ANKS1A: variants seen among roughly 807,000 people sequenced by gnomAD.
ANKS1A encodes the protein ankyrin repeat and SAM domain-containing protein 1A.
Under a neutral mutation model 120.3 loss-of-function variants are expected in ANKS1A, and 55 were observed. The ratio of observed to expected loss-of-function variants is 0.46; its 90% CI spans 0.37 to 0.57. ANKS1A has a LOEUF of 0.57. Among genes scored for constraint, ANKS1A ranks in the 20% least tolerant of loss-of-function variants. The pLI is 0.00. For synonymous variants in ANKS1A, 590 were observed against 604.7 expected (o/e 0.98, Z 0.36); for missense variants, 1,123 against 1,480.3 (o/e 0.76, Z 3.96).
At chr6:35,066,134 C>T (rs1490130769) in intron 13 of ANKS1A, among the ~76,000 whole-genome samples, 3 of 152,190 alleles carry the variant, frequency 2.0e-5, no homozygotes, top group Non-Finnish European at 4.4e-5. Flanking sequence ...ATTTGACCTA[C>T]TTACTTCATG....
At chr6:34,968,743 TGTA>T (rs1455539571) in intron 2 of ANKS1A, among the ~76,000 whole-genome samples, 1 of 151,508 alleles carries the variant, frequency 6.6e-6, no homozygotes, top group Non-Finnish European at 1.5e-5. Flanking sequence ...CGGCCAGCAG[TGTA>T]GTTTTTATGA....
chr6:35,002,570 G>T (rs1248683038), intron 10 of ANKS1A, among the ~76,000 whole-genome samples: 1 of 152,030 alleles, frequency 6.6e-6, no homozygotes, highest in Non-Finnish European at 1.5e-5. Flanking sequence ...TACTCTAAAA[G>T]AAACTTGTTT....
chr6:34,918,301 C>T (rs1297211437), intron 1 of ANKS1A, among the ~76,000 whole-genome samples: 1 of 152,144 alleles, frequency 6.6e-6, no homozygotes, highest in Non-Finnish European at 1.5e-5. Flanking sequence ...GTTCAAATGC[C>T]AGCTCTCCAC....
At chr6:34,890,666 AG>A (rs1014980851) in intron 1 of ANKS1A, among the ~76,000 whole-genome samples, 2 of 152,164 alleles carry the variant, frequency 1.3e-5, no homozygotes, top group Admixed American at 1.3e-4. Flanking sequence ...GAAAAACATC[AG>A]TTTTGTGTGG....
chr6:34,973,571 A>G (rs1315682590), intron 3 of ANKS1A, among the ~76,000 whole-genome samples: 1 of 152,196 alleles, frequency 6.6e-6, no homozygotes, highest in Non-Finnish European at 1.5e-5. Context: ...CATTATCCAC[A>G]TTAGCTACCT....
At chr6:34,894,488 C>T (rs1252815930) in intron 1 of ANKS1A, among the ~76,000 whole-genome samples, 10 of 152,016 alleles carry the variant, frequency 6.6e-5, no homozygotes, top group Non-Finnish European at 1.2e-4. Flanking sequence ...CCCATCTCTA[C>T]GAAAAATACA....
chr6:35,072,784 C>T (rs993397716), intron 13 of ANKS1A, among the ~76,000 whole-genome samples: 3 of 152,228 alleles, frequency 2.0e-5, no homozygotes, highest in Non-Finnish European at 2.9e-5. Flanking sequence ...TGGGATTCTA[C>T]GGAGGGAGGC....
chr6:34,912,115 C>T (rs553177810), intron 1 of ANKS1A, among the ~76,000 whole-genome samples: 10 of 152,304 alleles, frequency 6.6e-5, no homozygotes, highest in Admixed American at 2.6e-4. Context: ...TGAAATCAAA[C>T]GCTCATAATC....
At chr6:34,975,327 G>A (rs986745333) in intron 3 of ANKS1A, among the ~76,000 whole-genome samples, 3 of 151,994 alleles carry the variant, frequency 2.0e-5, no homozygotes, top group African/African-American at 7.2e-5. Context: ...GGTGGCATGT[G>A]CCTATAATCC....
chr6:35,055,148 G>A (rs1037548433), intron 12 of ANKS1A, among the ~76,000 whole-genome samples: 3 of 152,148 alleles, frequency 2.0e-5, no homozygotes, highest in African/African-American at 4.8e-5. Flanking sequence ...CAGAGACCAC[G>A]GGGCCTGGTG....
downstream of ANKS1A, among the ~76,000 whole-genome samples, chr6:35,092,010 T>C (rs1778324375): frequency 6.6e-6 from 1 of 152,212 alleles, no homozygotes; most frequent in Non-Finnish European, 1.5e-5. Context: ...CCTTCACTGA[T>C]TGACGGAGCA....
At chr6:34,944,885 T>G (rs1442023186) in intron 1 of ANKS1A, among the ~76,000 whole-genome samples, 1 of 152,220 alleles carries the variant, frequency 6.6e-6, no homozygotes, top group Non-Finnish European at 1.5e-5. Flanking sequence ...TTTCATTCTC[T>G]TAACTGTTTT....
chr6:35,031,608 T>A (rs577522142), intron 11 of ANKS1A, among the ~76,000 whole-genome samples: 1 of 152,180 alleles, frequency 6.6e-6, no homozygotes, highest in Non-Finnish European at 1.5e-5. Context: ...GACTCACGTA[T>A]CTGGGATCCT....
intron 1 of ANKS1A, among the ~76,000 whole-genome samples, chr6:34,922,120 A>G (rs999680105): frequency 7.3e-5 from 11 of 150,130 alleles, no homozygotes; most frequent in Non-Finnish European, 1.5e-5. Context: ...GGGATGACAT[A>G]TGTTTTTGAC....
intron 1 of ANKS1A, among the ~76,000 whole-genome samples, chr6:34,955,605 T>C (rs958811309): frequency 4.6e-5 from 7 of 152,180 alleles, no homozygotes; most frequent in African/African-American, 1.4e-4. Context: ...ATATGGTCTC[T>C]AGGCCTGCTG....
Position 34,985,131 on chromosome 6 carries a change from T to C in ANKS1A, c.1062T>C (p.Asn354=). Residue 354 remains asparagine, a synonymous_variant, in exon 8 of 24, where the codon AAT becomes AAC. Transcript: ENST00000360359. ...AACTGATTATAGATTTTGATGCAAA[T>C]GCTGAAGAAGAGGGTCCCTACGAAG... ...VTELIIDFDA[N]AEEEGPYEAL... is the part of the protein sequence containing the mutation. The C allele has an allele frequency of 1.2e-6, 2 of 1,614,156 alleles. No individual in the cohort carries two copies. The highest frequency in any genetic ancestry group is 2.2e-5 in the East Asian group (1 of 44,886).
At chr6:34,957,324 A>T (rs984016738) in intron 1 of ANKS1A, among the ~76,000 whole-genome samples, 3 of 152,248 alleles carry the variant, frequency 2.0e-5, no homozygotes, top group Middle Eastern at 6.8e-3. Context: ...GACAGTGGGG[A>T]TGGTTTCATA....
chr6:34,895,551 A>G (rs1345254288), intron 1 of ANKS1A, among the ~76,000 whole-genome samples: 2 of 152,128 alleles, frequency 1.3e-5, no homozygotes, highest in Admixed American at 1.3e-4. Context: ...TTTGAGCAAA[A>G]TGATTTTAAC....
intron 1 of ANKS1A, among the ~76,000 whole-genome samples, chr6:34,961,420 T>G (rs1770630484): frequency 6.6e-6 from 1 of 152,044 alleles, no homozygotes; most frequent in African/African-American, 2.4e-5. Context: ...TCCCCAAAAC[T>G]TCTAGATGGG....
Sources: allele counts gnomAD v4.1 joint callset (sites outside exome capture counted in the v4.1 genomes callset), GRCh38; gene constraint gnomAD v4.1.1; transcripts MANE v1.5; gene names NCBI Gene and HGNC (gene_info 2026-07-23, HGNC 2026-07-21).